Variants in AP3B1 observed in about 807,000 individuals in gnomAD.
AP3B1 encodes adaptor related protein complex 3 subunit beta 1, also known as AP-3 complex subunit beta-1.
AP3B1 carries 61 observed loss-of-function variants against 132.5 expected under a neutral mutation model. The ratio of observed to expected loss-of-function variants is 0.46; its 90% CI spans 0.37 to 0.57. The LOEUF is 0.57. AP3B1 is among the 20% of genes least tolerant of loss of function. The pLI is 0.00. For missense variants in AP3B1, 1,120 were observed against 1,289.4 expected, an observed-to-expected ratio of 0.87 and a Z score of 2.01; for synonymous variants, 388 against 438.3, an observed-to-expected ratio of 0.89 and a Z score of 1.43.
intron 7 of AP3B1, among the ~76,000 whole-genome samples, chr5:78,185,707 A>T (rs4510563): frequency 0.022 from 3,293 of 152,198 alleles, 40 homozygotes; most frequent in Middle Eastern, 0.034. Context: ...ACAAGTAAAA[A>T]AATAAAACAA....
intron 21 of AP3B1, among the ~76,000 whole-genome samples, chr5:78,094,165 G>C (rs1436368282): frequency 6.6e-6 from 1 of 152,180 alleles, no homozygotes; most frequent in Non-Finnish European, 1.5e-5. Flanking sequence ...GTCCTACTGA[G>C]AGCACATGGT....
At chr5:78,104,590 A>G (rs990610487) in intron 20 of AP3B1, among the ~76,000 whole-genome samples, 2 of 152,216 alleles carry the variant, frequency 1.3e-5, no homozygotes, top group South Asian at 2.1e-4. Context: ...TTGTAAAAAC[A>G]TAACTAAAAC....
chr5:78,099,918 G>C (rs950511745), intron 21 of AP3B1, among the ~76,000 whole-genome samples: 4 of 151,966 alleles, frequency 2.6e-5, no homozygotes, highest in African/African-American at 7.3e-5. Flanking sequence ...CTAGGTGAAA[G>C]GGTATGTGCA....
At chr5:78,185,746 C>G (rs1744578072) in intron 7 of AP3B1, among the ~76,000 whole-genome samples, 1 of 152,038 alleles carries the variant, frequency 6.6e-6, no homozygotes, top group Non-Finnish European at 1.5e-5. Flanking sequence ...GGTATGTACC[C>G]ATAGTCTTAG....
At chr5:78,288,500 C>T (rs1386858238) in intron 1 of AP3B1, among the ~76,000 whole-genome samples, 3 of 152,140 alleles carry the variant, frequency 2.0e-5, no homozygotes, top group Admixed American at 6.5e-5. Context: ...TTAATCCTAA[C>T]CACAGCAAAG....
intron 22 of AP3B1, among the ~76,000 whole-genome samples, chr5:78,075,009 T>C (rs1190516967): frequency 6.6e-6 from 1 of 152,202 alleles, no homozygotes; most frequent in Non-Finnish European, 1.5e-5. Context: ...CACATATTCA[T>C]GAAATGTCTG....
At chr5:78,109,971 C>A (rs1008564315) in intron 20 of AP3B1, among the ~76,000 whole-genome samples, 3 of 152,038 alleles carry the variant, frequency 2.0e-5, no homozygotes, top group Admixed American at 1.3e-4. Context: ...CAGCAAAACC[C>A]CCCCCTTGTC....
chr5:78,072,448 G>A (rs1044269662), intron 22 of AP3B1, among the ~76,000 whole-genome samples: 14 of 152,040 alleles, frequency 9.2e-5, no homozygotes, highest in Admixed American at 7.9e-4. Context: ...GGCTGGTATC[G>A]CTTTTAAATC....
chr5:78,155,592 A>C (rs1008454222), intron 14 of AP3B1, among the ~76,000 whole-genome samples: 2 of 152,186 alleles, frequency 1.3e-5, no homozygotes, highest in Admixed American at 6.5e-5. Flanking sequence ...TCGAAAACAT[A>C]CACAAACCTT....
chr5:78,255,090 T>C (rs1407820852), intron 2 of AP3B1, among the ~76,000 whole-genome samples: 1 of 151,566 alleles, frequency 6.6e-6, no homozygotes, highest in Non-Finnish European at 1.5e-5. Flanking sequence ...ACCAAAAACA[T>C]ACAAGATATA....
At position 78,240,783 on chromosome 5, in the gene AP3B1, T is replaced by C. The variant is rs1747099297; in HGVS notation, c.279+79A>G. The C allele has an allele frequency of 1.2e-5, 11 of 929,588 alleles. No individual in the cohort carries two copies. The South Asian group carries it at 1.6e-4, about 13-fold the overall frequency. The allele number at this position is 929,588 out of a possible 1,614,324, so 57.6% of individuals were successfully genotyped here. A position where few individuals can be genotyped will look rare whatever the true frequency, so the allele number is the denominator to read the frequency against. On this transcript the variant is annotated intron_variant, in intron 3 of 26. Transcript: ENST00000255194. ...AATCTAGTGATACTTAAGTATCTTA[T>C]GTTGCATTATACTACATAAAAAGTG...
intron 22 of AP3B1, among the ~76,000 whole-genome samples, chr5:78,076,542 C>T (rs1037014893): frequency 2.6e-5 from 4 of 152,118 alleles, no homozygotes; most frequent in Non-Finnish European, 5.9e-5. Context: ...ATGACAGGTC[C>T]CTCAGATAGC....
intron 1 of AP3B1, among the ~76,000 whole-genome samples, chr5:78,269,195 C>T (rs1748451422): frequency 7.0e-6 from 1 of 141,942 alleles, no homozygotes; most frequent in Non-Finnish European, 1.6e-5. Context: ...TTCCTCAACT[C>T]TTTGCTGAAA....
At chr5:78,281,233 G>A (rs367681117) in intron 1 of AP3B1, among the ~76,000 whole-genome samples, 2 of 151,936 alleles carry the variant, frequency 1.3e-5, no homozygotes, top group Admixed American at 6.6e-5. Context: ...TCAGCAGCTC[G>A]AGACCATCCT....
chr5:78,212,194 C>T (rs1041222382), intron 7 of AP3B1, among the ~76,000 whole-genome samples: 1 of 152,132 alleles, frequency 6.6e-6, no homozygotes, highest in Non-Finnish European at 1.5e-5. Flanking sequence ...GCAGACGAAT[C>T]GCTTCAACCC....
intron 18 of AP3B1, among the ~76,000 whole-genome samples, chr5:78,115,430 G>C (rs1403773657): frequency 6.6e-6 from 1 of 152,152 alleles, no homozygotes; most frequent in Non-Finnish European, 1.5e-5. Context: ...AAGAGCATCA[G>C]AAAGTGACTA....
At chr5:78,285,587 T>G (rs577945003) in intron 1 of AP3B1, among the ~76,000 whole-genome samples, 1 of 152,302 alleles carries the variant, frequency 6.6e-6, no homozygotes, top group South Asian at 2.1e-4. Flanking sequence ...GATATCCAAC[T>G]GCCTATTTAG....
chr5:78,204,746 C>A (rs1442822623), intron 7 of AP3B1, among the ~76,000 whole-genome samples: 4 of 152,222 alleles, frequency 2.6e-5, no homozygotes, highest in Non-Finnish European at 5.9e-5. Context: ...TCTTTGCGAA[C>A]AGAATCTACT....
At chr5:78,153,277 T>G (rs1174277444) in intron 14 of AP3B1, among the ~76,000 whole-genome samples, 3 of 152,218 alleles carry the variant, frequency 2.0e-5, no homozygotes, top group Non-Finnish European at 2.9e-5. Flanking sequence ...TGACTCTTTA[T>G]CATTAAATAA....
Sources: allele counts gnomAD v4.1 joint callset (sites outside exome capture counted in the v4.1 genomes callset), GRCh38; gene constraint gnomAD v4.1.1; transcripts MANE v1.5; gene names NCBI Gene and HGNC (gene_info 2026-07-23, HGNC 2026-07-21).